The following KIRREL1 variants were observed in gnomAD, a reference collection of about 807,000 sequenced individuals.
KIRREL1 encodes kirre like nephrin family adhesion molecule 1.
KIRREL1 carries 25 observed loss-of-function variants against 83.3 expected under a neutral mutation model. That is an observed-to-expected ratio of 0.30 (90% confidence interval 0.22 to 0.42). The LOEUF (loss-of-function observed/expected upper bound fraction) is 0.42. Ranked by LOEUF, KIRREL1 falls within the 10% of genes least tolerant of loss-of-function variation. The probability of loss-of-function intolerance (pLI) is 1.00; values close to 1 mark genes in which losing one functional copy is unlikely to be tolerated. For missense variants in KIRREL1, 812 were observed against 1,032.3 expected (o/e 0.79, Z 2.92); for synonymous variants, 388 against 410.4 (o/e 0.95, Z 0.66).
intron 1 of KIRREL1, among the ~76,000 whole-genome samples, chr1:158,054,862 C>A (rs1227939772): frequency 6.6e-6 from 1 of 152,146 alleles, no homozygotes; most frequent in African/African-American, 2.4e-5. Flanking sequence ...GATGTTGAGA[C>A]AATAGAGCGA....
intron 4 of KIRREL1, among the ~76,000 whole-genome samples, chr1:158,084,947 C>T (rs761469218): frequency 2.4e-4 from 36 of 152,148 alleles, no homozygotes; most frequent in Admixed American, 1.3e-4. Context: ...AGGAAACTTG[C>T]GCTCAGAGAG....
At chr1:158,010,396 T>TGCAC (rs1659648146) in intron 1 of KIRREL1, among the ~76,000 whole-genome samples, 2 of 44,586 alleles carry the variant, frequency 4.5e-5, no homozygotes, top group African/African-American at 2.1e-4. Flanking sequence ...CACACATGCA[T>TGCAC]ACACACACAC....
intron 1 of KIRREL1, among the ~76,000 whole-genome samples, chr1:158,055,363 G>A (rs1416190121): frequency 6.6e-6 from 1 of 152,070 alleles, no homozygotes; most frequent in Non-Finnish European, 1.5e-5. Flanking sequence ...GTAGAAACAC[G>A]GGTTAAGTCC....
intron 1 of KIRREL1, among the ~76,000 whole-genome samples, chr1:158,019,505 G>A (rs1220985198): frequency 6.6e-6 from 1 of 152,068 alleles, no homozygotes; most frequent in Admixed American, 6.6e-5. Flanking sequence ...TGACTATATG[G>A]GGGTCGCATT....
In KIRREL1 at chr1:158,097,061, C is replaced by T. The variant is rs1410600428; in HGVS notation, c.*1941C>T. 4.4e-6 allele frequency: 2 copies of T among 456,668 alleles called. No homozygotes were observed. The highest frequency in any genetic ancestry group is 3.1e-5 in the South Asian group (2 of 64,564). 28.3% of individuals were successfully genotyped at this position (456,668 alleles called of 1,614,324 possible). A position where few individuals can be genotyped will look rare whatever the true frequency, so the allele number is the denominator to read the frequency against. On this transcript the variant is annotated 3_prime_UTR_variant, in exon 15 of 15. Transcript: ENST00000359209. ...TTAACTTCACAGGAAGTCTGTGCAT[C>T]CTCCTTCATTTCAGCAGGGAAAACT...
At chr1:158,009,732 AG>A (rs1287887896) in intron 1 of KIRREL1, among the ~76,000 whole-genome samples, 2 of 152,198 alleles carry the variant, frequency 1.3e-5, no homozygotes, top group Non-Finnish European at 2.9e-5. Flanking sequence ...TCTGGCTGAA[AG>A]CTCATTGGCA....
At chr1:158,059,649 G>A (rs1661158595) in intron 1 of KIRREL1, among the ~76,000 whole-genome samples, 1 of 152,160 alleles carries the variant, frequency 6.6e-6, no homozygotes, top group Non-Finnish European at 1.5e-5. Flanking sequence ...ATACTCACCT[G>A]GGGTGTGGGA....
intron 1 of KIRREL1, among the ~76,000 whole-genome samples, chr1:157,997,838 T>C (rs1013099845): frequency 3.9e-5 from 6 of 152,202 alleles, no homozygotes; most frequent in African/African-American, 1.4e-4. Flanking sequence ...CCCCCTGAGA[T>C]TGGCTGTGTA....
At chr1:158,006,386 A>G (rs1398204426) in intron 1 of KIRREL1, among the ~76,000 whole-genome samples, 1 of 152,156 alleles carries the variant, frequency 6.6e-6, no homozygotes, top group Non-Finnish European at 1.5e-5. Flanking sequence ...ATTGTAACTG[A>G]ACACGTCTCC....
chr1:158,023,696 C>A (rs970575699), intron 1 of KIRREL1, among the ~76,000 whole-genome samples: 1 of 152,134 alleles, frequency 6.6e-6, no homozygotes, highest in Non-Finnish European at 1.5e-5. Context: ...ACTGCTCTAA[C>A]ATTCAGTGTC....
At chr1:158,068,706 C>A (rs899850058) in intron 1 of KIRREL1, among the ~76,000 whole-genome samples, 8 of 152,170 alleles carry the variant, frequency 5.3e-5, no homozygotes, top group Non-Finnish European at 8.8e-5. Flanking sequence ...ATGGCCCAGC[C>A]TAGAGAATTG....
chr1:158,058,435 A>G (rs1356681337), intron 1 of KIRREL1, among the ~76,000 whole-genome samples: 2 of 152,118 alleles, frequency 1.3e-5, no homozygotes. Context: ...CCAGGCTTCC[A>G]AGGCCCATGG....
At chr1:158,046,026 T>C (rs887321070) in intron 1 of KIRREL1, among the ~76,000 whole-genome samples, 1 of 152,220 alleles carries the variant, frequency 6.6e-6, no homozygotes, top group Non-Finnish European at 1.5e-5. Flanking sequence ...CACTGGTAGA[T>C]TTTGAGCACA....
chr1:158,064,837 G>A (rs781266663), intron 1 of KIRREL1, among the ~76,000 whole-genome samples: 29 of 151,846 alleles, frequency 1.9e-4, no homozygotes, highest in Non-Finnish European at 3.8e-4. Flanking sequence ...ATACCTTCCC[G>A]TATTAGTTGC....
At chr1:158,045,759 TGTGGCTCA>T (rs1227811910) in intron 1 of KIRREL1, among the ~76,000 whole-genome samples, 2 of 152,240 alleles carry the variant, frequency 1.3e-5, no homozygotes, top group Non-Finnish European at 2.9e-5. Flanking sequence ...GCTGGTGTCA[TGTGGCTCA>T]GTGCCCTAAC....
intron 1 of KIRREL1, among the ~76,000 whole-genome samples, chr1:158,026,840 G>A (rs1261477046): frequency 6.6e-6 from 1 of 152,116 alleles, no homozygotes; most frequent in Non-Finnish European, 1.5e-5. Flanking sequence ...ATGAAAAAAA[G>A]CAAACTGTTT....
intron 1 of KIRREL1, among the ~76,000 whole-genome samples, chr1:158,037,884 T>C (rs1660519143): frequency 6.6e-6 from 1 of 152,240 alleles, no homozygotes; most frequent in Non-Finnish European, 1.5e-5. Context: ...TTGCAGATTT[T>C]GGCCCTCAGG....
intron 1 of KIRREL1, among the ~76,000 whole-genome samples, chr1:158,011,349 G>A (rs377225450): frequency 5.9e-5 from 9 of 152,290 alleles, no homozygotes; most frequent in South Asian, 4.1e-4. Flanking sequence ...GGTCCCCTGC[G>A]TGAGGGTTGG....
intron 1 of KIRREL1, among the ~76,000 whole-genome samples, chr1:158,022,566 G>A (rs539397423): frequency 6.6e-5 from 10 of 152,146 alleles, no homozygotes; most frequent in Non-Finnish European, 1.5e-4. Context: ...TACATCTAGT[G>A]CCAAAGGGGC....
Sources: allele counts gnomAD v4.1 joint callset (sites outside exome capture counted in the v4.1 genomes callset), GRCh38; gene constraint gnomAD v4.1.1; transcripts MANE v1.5; gene names NCBI Gene and HGNC (gene_info 2026-07-23, HGNC 2026-07-21).